The following MX2 variants were observed in gnomAD, a reference collection of about 807,000 sequenced individuals.
The protein encoded by MX2 is MX dynamin like GTPase 2, also known as interferon-induced GTP-binding protein Mx2.
A neutral mutation model predicts 74.0 loss-of-function variants in MX2; 51 were observed. The ratio of observed to expected loss-of-function variants is 0.69; its 90% CI spans 0.55 to 0.87. The LOEUF (loss-of-function observed/expected upper bound fraction) is 0.87, where lower values mean the gene tolerates loss of function less well. Among genes scored for constraint, MX2 ranks in the 40% least tolerant of loss-of-function variants. The pLI is 0.00. For missense variants in MX2, 832 were observed against 908.7 expected, an observed-to-expected ratio of 0.92 and a Z score of 1.09; for synonymous variants, 369 against 339.3, an observed-to-expected ratio of 1.09 and a Z score of -0.96.
chr21:41,407,936 C>A, intron 13 of MX2, 55 bp from the exon 14 acceptor site: 1 of 1,603,004 alleles, frequency 6.2e-7, no homozygotes, highest in Non-Finnish European at 8.5e-7. Flanking sequence ...CTCTCTGCAA[C>A]CACAGGCCTT....
chr21:41,375,267 A>G (rs1018199971), intron 1 of MX2, among the ~76,000 whole-genome samples: 3 of 152,238 alleles, frequency 2.0e-5, no homozygotes, highest in Admixed American at 6.5e-5. Context: ...ATGGTGTGCC[A>G]GGAGTGAGGG....
At chr21:41,371,704 G>C (rs905041415) in intron 1 of MX2, among the ~76,000 whole-genome samples, 8 of 152,218 alleles carry the variant, frequency 5.3e-5, no homozygotes, top group African/African-American at 1.7e-4. Flanking sequence ...TTATATCCTC[G>C]ACCTAGGAGT....
chr21:41,405,761 A>G (rs576418311), intron 12 of MX2, among the ~76,000 whole-genome samples: 24 of 147,320 alleles, frequency 1.6e-4, no homozygotes, highest in African/African-American at 5.5e-4. Flanking sequence ...CTGAAGTGCA[A>G]TGGCGCCATC....
rs2089911044 is a variant in MX2 at position 41,408,131 on chromosome 21, G to C, written c.2046G>C (p.Gln682His). Residue 682 changes from glutamine (Q) to histidine (H), a missense_variant, in exon 14 of 14, where the codon CAG becomes CAC. Coordinates refer to ENST00000330714, the MANE Select transcript of MX2 (RefSeq NM_002463.2). Reference protein sequence around the residue: ...KNRYSWLLQEQSETATKRRIL... With the variant: ...KNRYSWLLQEHSETATKRRIL... ...GCTATTCCTGGCTGCTTCAAGAGCA[G>C]AGTGAGACCGCTACCAAGAGAAGAA... 1.2e-6 allele frequency: 2 copies of C among 1,614,102 alleles called. No homozygotes were observed. The highest frequency in any genetic ancestry group is 2.7e-5 in the African/African-American group (2 of 74,936).
At chr21:41,400,285 T>TGAA (rs2089794361) in intron 10 of MX2, among the ~76,000 whole-genome samples, 1 of 152,232 alleles carries the variant, frequency 6.6e-6, no homozygotes, top group Admixed American at 6.5e-5. Flanking sequence ...GATCTGGTTT[T>TGAA]AGCAATAAGT....
intron 13 of MX2, 131 bp downstream of exon 13, chr21:41,407,129 T>C (rs457870): frequency 0.77 from 696,153 of 902,084 alleles, 271,063 homozygotes; most frequent in Non-Finnish European, 0.81. Flanking sequence ...CCCTTCTGTA[T>C]TATGATAAAC....
intron 6 of MX2, among the ~76,000 whole-genome samples, chr21:41,391,325 G>A (rs1308117569): frequency 6.6e-6 from 1 of 151,552 alleles, no homozygotes; most frequent in East Asian, 1.9e-4. Context: ...CTTTTTAATA[G>A]TCAGTTTTCT....
rs1450943750 is a variant in MX2, at chr21:41,363,775, C to G, written c.-72+1720C>G. On this transcript the variant is annotated intron_variant, in intron 1 of 13. Transcript: ENST00000330714. This position sits in a 1 kb window ranked among gnomAD's most constrained non-coding sequence, Gnocchi z 4.2. Reference sequence around the variant, plus strand: ...AGACGCAGCTTGCCTTAGACTTCAGCGGGAACCACCATGTCCGGCACAGCC... The same window carrying G: ...AGACGCAGCTTGCCTTAGACTTCAGGGGGAACCACCATGTCCGGCACAGCC... 1 of 155,128 alleles carries G rather than the reference C, an allele frequency of 6.4e-6. No individual in the cohort carries two copies. Among genetic ancestry groups the G allele is most frequent in the Non-Finnish European group, 1.5e-5 (1 of 68,336 alleles). The allele number at this position is 155,128 out of a possible 1,614,324, so 9.6% of individuals were successfully genotyped here. A position where few individuals can be genotyped will look rare whatever the true frequency, so the allele number is the denominator to read the frequency against.
At chr21:41,393,203 A>G (rs2089686991) in intron 6 of MX2, among the ~76,000 whole-genome samples, 1 of 152,092 alleles carries the variant, frequency 6.6e-6, no homozygotes, top group African/African-American at 2.4e-5. Context: ...GAATAGAGCA[A>G]ATTTGATTAT....
intron 12 of MX2, chr21:41,403,684 C>A: frequency 1.9e-6 from 1 of 528,076 alleles, no homozygotes; most frequent in Non-Finnish European, 3.8e-6. Context: ...GTTTACTAGT[C>A]CTACTCCCAA....
intron 6 of MX2, among the ~76,000 whole-genome samples, chr21:41,391,260 T>C (rs894895307): frequency 1.3e-5 from 2 of 150,122 alleles, no homozygotes; most frequent in Admixed American, 1.4e-4. Flanking sequence ...AAAAAAAGTT[T>C]TCTAAAAAAA....
chr21:41,362,317 A>G (rs1281133378), intron 1 of MX2, among the ~76,000 whole-genome samples: 1 of 151,946 alleles, frequency 6.6e-6, no homozygotes, highest in African/African-American at 2.4e-5. Context: ...CTCCATCCTG[A>G]TCTGGCCAAA....
rs1389909396 is a variant in MX2 at position 41,407,400 on chromosome 21, C to T, written c.1905+402C>T. ...AGAAGGCACTAACATGCCACACTTG[C>T]CAGCCCCACAAGATAGGAATGAAAT... On this transcript the variant is annotated intron_variant, in intron 13 of 13. Coordinates refer to ENST00000330714, the MANE Select transcript of MX2 (RefSeq NM_002463.2). Among the ~76,000 whole-genome samples the T allele has an allele frequency of 2.0e-5, 3 of 152,174 alleles. No individual in the cohort carries two copies. In the East Asian group the frequency reaches 5.8e-4, roughly 29 times the overall value.
At chr21:41,386,199 A>G (rs983295779) in intron 5 of MX2, among the ~76,000 whole-genome samples, 16 of 138,194 alleles carry the variant, frequency 1.2e-4, no homozygotes, top group African/African-American at 4.4e-4. Context: ...CAGCCTGGGC[A>G]ACAGAGTAAT....
chr21:41,404,490 G>A (rs367943899), intron 12 of MX2: 63 of 152,366 alleles, frequency 4.1e-4, no homozygotes, highest in African/African-American at 1.4e-3. Context: ...AGAAATACAA[G>A]TTCCAGTGCT....
rs549582562 is a variant in MX2 at position 41,382,702 on chromosome 21, G to A, written c.732+138G>A. 98 of 1,141,512 alleles carry A rather than the reference G, an allele frequency of 8.6e-5. No individual in the cohort carries two copies. The African/African-American group carries it at 1.4e-3, about 17-fold the overall frequency. The allele number at this position is 1,141,512 out of a possible 1,614,324, so 70.7% of individuals were successfully genotyped here. A position where few individuals can be genotyped will look rare whatever the true frequency, so the allele number is the denominator to read the frequency against. ...GTCTCAGGTAAGACCTGCCCAGGTGGGGGCCTCATGCCCAGGTTCTGACTT... is the reference window on the plus strand; with the variant it reads ...GTCTCAGGTAAGACCTGCCCAGGTGAGGGCCTCATGCCCAGGTTCTGACTT... On this transcript the variant is annotated intron_variant, in intron 5 of 13. Coordinates refer to ENST00000330714, the MANE Select transcript of MX2 (RefSeq NM_002463.2).
In MX2 at chr21:41,408,374, G is replaced by A; in HGVS notation, c.*141G>A. 2 of 1,182,756 alleles carry A rather than the reference G, an allele frequency of 1.7e-6. No homozygotes were observed. Among genetic ancestry groups the A allele is most frequent in the South Asian group, 3.1e-5 (2 of 64,268 alleles). 73.3% of individuals were successfully genotyped at this position (1,182,756 alleles called of 1,614,324 possible). A position where few individuals can be genotyped will look rare whatever the true frequency, so the allele number is the denominator to read the frequency against. On this transcript the variant is annotated 3_prime_UTR_variant, in exon 14 of 14. Coordinates refer to ENST00000330714, the MANE Select transcript of MX2 (RefSeq NM_002463.2). Reference sequence around the variant, plus strand: ...TCTCTACTGTACTCCCTCAGCATCAGAGCATGCATCAGGGGTCCACACAGG... The same window carrying A: ...TCTCTACTGTACTCCCTCAGCATCAAAGCATGCATCAGGGGTCCACACAGG...
At chr21:41,396,893 T>G (rs2089743830) in intron 7 of MX2, among the ~76,000 whole-genome samples, 1 of 152,214 alleles carries the variant, frequency 6.6e-6, no homozygotes, top group Non-Finnish European at 1.5e-5. Context: ...TGCTCTGCCC[T>G]GAGGCCGGGG....
chr21:41,398,552 T>C (rs2145951407), intron 8 of MX2, among the ~76,000 whole-genome samples: 1 of 152,334 alleles, frequency 6.6e-6, no homozygotes, highest in East Asian at 1.9e-4. Flanking sequence ...AGAGCAAAGA[T>C]GATTCCAGAT....
Sources: allele counts gnomAD v4.1 joint callset (sites outside exome capture counted in the v4.1 genomes callset), GRCh38; gene constraint gnomAD v4.1.1; non-coding constraint Gnocchi (gnomAD v3.1); transcripts MANE v1.5; gene names NCBI Gene and HGNC (gene_info 2026-07-23, HGNC 2026-07-21).